The following SNX30 variants were observed in gnomAD, a reference collection of about 807,000 sequenced individuals.
SNX30 encodes sorting nexin family member 30, also known as sorting nexin-30.
SNX30 carries 24 observed loss-of-function variants against 46.4 expected under a neutral mutation model. That is an observed-to-expected ratio of 0.52 (90% confidence interval 0.37 to 0.73). The LOEUF (loss-of-function observed/expected upper bound fraction) is 0.73, where lower values mean the gene tolerates loss of function less well. Among genes scored for constraint, SNX30 ranks in the 30% least tolerant of loss-of-function variants. The pLI, the probability that SNX30 is intolerant of heterozygous loss-of-function variation, is 0.00. For synonymous variants in SNX30, 189 were observed against 211.5 expected (o/e 0.89, Z 0.92); for missense variants, 533 against 555.7 (o/e 0.96, Z 0.41).
chr9:112,865,661 A>ATATATATGTGTGTGTGTGTGTGTGTG, intron 8 of SNX30, among the ~76,000 whole-genome samples: 17 of 105,678 alleles, frequency 1.6e-4, no homozygotes, highest in Non-Finnish European at 2.7e-4. Context: ...ATATATATAT[A>ATATATATGTGTGTGTGTGTGTGTGTG]TGTATGTATG....
chr9:112,824,358 A>G (rs1168141009), intron 3 of SNX30, among the ~76,000 whole-genome samples: 1 of 152,170 alleles, frequency 6.6e-6, no homozygotes, highest in Non-Finnish European at 1.5e-5. Context: ...TCCAACATAT[A>G]TATGTGTATA....
intron 6 of SNX30, among the ~76,000 whole-genome samples, chr9:112,846,454 C>T (rs1182713570): frequency 6.6e-6 from 1 of 152,142 alleles, no homozygotes; most frequent in Admixed American, 6.5e-5. Flanking sequence ...GTAAAAGGAG[C>T]ATGTTGAAAG....
chr9:112,778,893 G>T (rs1445744962), intron 1 of SNX30, among the ~76,000 whole-genome samples: 2 of 8,166 alleles, frequency 2.4e-4, no homozygotes, highest in Non-Finnish European at 2.3e-4. Flanking sequence ...AGAGAACTTG[G>T]GGGGGGGGGA....
intron 2 of SNX30, among the ~76,000 whole-genome samples, chr9:112,814,941 G>C (rs1840375260): frequency 5.9e-5 from 9 of 152,236 alleles, no homozygotes; most frequent in Admixed American, 5.9e-4. Flanking sequence ...GGAATACTAT[G>C]TATGTGTTAA....
chr9:112,856,042 T>C (rs79202341), intron 7 of SNX30, among the ~76,000 whole-genome samples: 2,584 of 152,262 alleles, frequency 0.017, 38 homozygotes, highest in Non-Finnish European at 0.026. Context: ...TTTCCTGTCT[T>C]CTGCGTTGGA....
At chr9:112,831,384 C>T (rs995901357) in intron 4 of SNX30, among the ~76,000 whole-genome samples, 1 of 152,108 alleles carries the variant, frequency 6.6e-6, no homozygotes, top group African/African-American at 2.4e-5. Flanking sequence ...TTTGCTCTGC[C>T]AAAAGCAGAG....
Position 112,804,915 on chromosome 9 carries a change from A to G in SNX30, c.296A>G (p.Lys99Arg). 2 of 1,613,934 alleles carry G rather than the reference A, an allele frequency of 1.2e-6. No individual in the cohort carries two copies. Among genetic ancestry groups the G allele is most frequent in the South Asian group, 1.1e-5 (1 of 91,060 alleles). ...RDLFVIVDDP[K>R]KHVCTMETYI... ...CTCTTCGTTATAGTTGATGATCCCA[A>G]GAAGCATGTGTGTACAATGGAGACT... Residue 99 changes from lysine to arginine, a missense_variant, in exon 2 of 9, where the codon AAG becomes AGG. Physicochemically the swap from Lys to Arg is conservative, Grantham distance 26. Transcript: ENST00000374232.
chr9:112,818,850 C>T (rs925354416), intron 3 of SNX30, among the ~76,000 whole-genome samples: 5 of 152,182 alleles, frequency 3.3e-5, no homozygotes, highest in Admixed American at 6.5e-5. Flanking sequence ...GTGATAGGAA[C>T]GATGGCTCTC....
chr9:112,865,649 A>ATGTGTGTGTGTGTGTGTGTGTGTGTG (rs1377711834), intron 8 of SNX30, among the ~76,000 whole-genome samples: 1 of 86,054 alleles, frequency 1.2e-5, no homozygotes, highest in Non-Finnish European at 2.8e-5. Context: ...ATATATATAT[A>ATGTGTGTGTGTGTGTGTGTGTGTGTG]TATATATATA....
chr9:112,754,590 G>A (rs1169759895), intron 1 of SNX30, among the ~76,000 whole-genome samples: 3 of 151,914 alleles, frequency 2.0e-5, no homozygotes, highest in Admixed American at 2.0e-4. Flanking sequence ...ATTTTTAGTA[G>A]TGATGGGGTT....
chr9:112,842,037 G>A (rs777900141), intron 6 of SNX30, among the ~76,000 whole-genome samples: 12 of 152,118 alleles, frequency 7.9e-5, no homozygotes, highest in African/African-American at 2.2e-4. Context: ...TCCACCTCCC[G>A]GGTTCAAGTG....
rs1458212231 is a variant in SNX30, at chr9:112,750,766, G to C, written c.-236G>C. ...GCTGTGTGGGCTGGGCGCCGCGGCC[G>C]TGCTGCCAGCGGACCCGCGGCGGGC... On this transcript the variant is annotated 5_prime_UTR_variant, in exon 1 of 9. Coordinates refer to ENST00000374232, the MANE Select transcript of SNX30 (RefSeq NM_001012994.2). 2 of 157,514 alleles carry C rather than the reference G, an allele frequency of 1.3e-5. No homozygotes were observed. Among genetic ancestry groups the C allele is most frequent in the East Asian group, 1.9e-4 (1 of 5,174 alleles). The allele number at this position is 157,514 out of a possible 1,614,324, so 9.8% of individuals were successfully genotyped here.
At chr9:112,829,756 G>GC (rs963086693) in intron 3 of SNX30, among the ~76,000 whole-genome samples, 4 of 149,730 alleles carry the variant, frequency 2.7e-5, no homozygotes, top group African/African-American at 9.8e-5. Context: ...ACCAACACTT[G>GC]TTTTTTTTTG....
chr9:112,804,754 A>C, intron 1 of SNX30, 22 bp from the exon 2 acceptor site: 3 of 1,581,658 alleles, frequency 1.9e-6, no homozygotes, highest in Non-Finnish European at 2.6e-6. Flanking sequence ...TTTAATTTTA[A>C]GGTGCTCTTT....
At chr9:112,806,911 C>T (rs1020512883) in intron 2 of SNX30, among the ~76,000 whole-genome samples, 1 of 152,040 alleles carries the variant, frequency 6.6e-6, no homozygotes. Context: ...TTTTGAAGAC[C>T]TTTCCATGTT....
chr9:112,762,734 C>T (rs954122475), intron 1 of SNX30, among the ~76,000 whole-genome samples: 1 of 152,206 alleles, frequency 6.6e-6, no homozygotes, highest in Non-Finnish European at 1.5e-5. Flanking sequence ...CGCTTGAGAG[C>T]TGAAGGAACT....
At chr9:112,865,677 A>T in intron 8 of SNX30, among the ~76,000 whole-genome samples, 1 of 124,078 alleles carries the variant, frequency 8.1e-6, no homozygotes, top group East Asian at 2.3e-4. Context: ...GTATGTATGC[A>T]CACACACACA....
intron 2 of SNX30, 145 bp downstream of exon 2, chr9:112,805,112 T>C: frequency 4.2e-6 from 2 of 481,756 alleles, no homozygotes; most frequent in South Asian, 1.2e-4. Context: ...CTTGAGAGAA[T>C]AGATGTAATT....
intron 7 of SNX30, among the ~76,000 whole-genome samples, chr9:112,861,763 T>C (rs7023956): frequency 0.87 from 131,964 of 152,140 alleles, 57,565 homozygotes; most frequent in Non-Finnish European, 0.91. Context: ...CTGTCCCTTG[T>C]GTGTACCGCC....
Sources: gnomAD v4.1 joint callset for allele counts (sites outside exome capture counted in the v4.1 genomes callset) on GRCh38, gnomAD v4.1.1 for gene constraint, MANE v1.5 for transcripts, NCBI Gene and HGNC (gene_info 2026-07-23, HGNC 2026-07-21) for gene names.